Variants in PLCD4 observed in about 807,000 individuals in gnomAD.
The protein encoded by PLCD4 is 1-phosphatidylinositol 4,5-bisphosphate phosphodiesterase delta-4.
PLCD4 carries 63 observed loss-of-function variants against 90.2 expected under a neutral mutation model. That is an observed-to-expected ratio of 0.70 (90% CI 0.57 to 0.86). The LOEUF (loss-of-function observed/expected upper bound fraction) is 0.86, where lower values mean the gene tolerates loss of function less well. Ranked by LOEUF, PLCD4 falls within the 40% of genes least tolerant of loss-of-function variation. The pLI, the probability that PLCD4 is intolerant of heterozygous loss-of-function variation, is 0.00. For synonymous variants in PLCD4, 294 were observed against 356.5 expected (o/e 0.82, Z 1.97); for missense variants, 830 against 956.3 (o/e 0.87, Z 1.74).
intron 6 of PLCD4, among the ~76,000 whole-genome samples, chr2:218,623,740 T>C (rs1186860847): frequency 6.6e-6 from 1 of 152,242 alleles, no homozygotes; most frequent in Non-Finnish European, 1.5e-5. Context: ...TGGAGTGCAA[T>C]GGCACGATCT....
chr2:218,625,388 C>A (rs832799), intron 6 of PLCD4, among the ~76,000 whole-genome samples: 88,153 of 151,870 alleles, frequency 0.58, 25,838 homozygotes, highest in East Asian at 0.78. Context: ...GTTTCGACCC[C>A]GACCCCTCTT....
chr2:218,616,003 A>T lies in PLCD4; in HGVS notation c.122A>T (p.Gln41Leu), dbSNP rs368808205. ...AAGAAGCTAAGATACTTCAGACTTCAGAATGACGGCATGACAGTCTGGCAT... is the reference window on the plus strand; with the variant it reads ...AAGAAGCTAAGATACTTCAGACTTCTGAATGACGGCATGACAGTCTGGCAT... The part of the protein sequence containing the change: ...SWKKLRYFRL[Q>L]NDGMTVWHAR... Residue 41 changes from glutamine to leucine, a missense_variant, in exon 3 of 16, where the codon CAG becomes CTG. Physicochemically the swap from Gln to Leu is moderately radical, Grantham distance 113. Transcript: ENST00000450993. 1 of 1,613,946 alleles carries T rather than the reference A, an allele frequency of 6.2e-7. No homozygotes were observed. Among genetic ancestry groups the T allele is most frequent in the Admixed American group, 1.7e-5 (1 of 60,010 alleles).
At position 218,618,600 on chromosome 2, in the gene PLCD4, C is replaced by A; in HGVS notation, c.203C>A (p.Thr68Lys). 1.9e-6 allele frequency: 3 copies of A among 1,614,050 alleles called. No individual in the cohort carries two copies. Among genetic ancestry groups the A allele is most frequent in the Middle Eastern group, 1.7e-4 (1 of 6,060 alleles). Residue 68 changes from threonine (T) to lysine (K), a missense_variant, in exon 4 of 16, where the codon ACA (threonine) becomes AAA (lysine). By Grantham distance (78) the Thr-to-Lys change is moderately conservative (BLOSUM62 -1). Transcript: ENST00000450993. The part of the protein sequence containing the change: ...KPSFSISDVE[T>K]IRNGHDSELL... ...GCAGTCTCAATCTCTGATGTGGAGACAATACGTAATGGCCATGATTCCGAG... is the reference window on the plus strand; with the variant it reads ...GCAGTCTCAATCTCTGATGTGGAGAAAATACGTAATGGCCATGATTCCGAG...
At position 218,634,627 on chromosome 2, in the gene PLCD4, C is replaced by T; in HGVS notation, c.1893C>T (p.Ile631=). 6.2e-7 allele frequency: 1 copy of T among 1,612,580 alleles called. No individual in the cohort carries two copies. The highest frequency in any genetic ancestry group is 8.5e-7 in the Non-Finnish European group (1 of 1,179,448). The change falls in exon 13 of 16, where the codon ATC becomes ATT. Residue 631 remains isoleucine, a synonymous_variant. Transcript: ENST00000450993. The surrounding 1 kb of genome is among the most constrained non-coding windows in gnomAD (Gnocchi z 4.0). ...CTTTCAAAGCCCAGACTCTCTTAAT[C>T]CAGGTACAGTGGAAATAAACTGTTG... ...ISPFKAQTLL[I]QVISGQQLPK...
intron 1 of PLCD4, among the ~76,000 whole-genome samples, chr2:218,612,316 A>G (rs1422381129): frequency 1.3e-5 from 2 of 152,312 alleles, no homozygotes; most frequent in East Asian, 3.9e-4. Context: ...CTCAGGAAAC[A>G]CTTTGGGTCC....
intron 8 of PLCD4, 142 bp from the exon 9 acceptor site, chr2:218,630,508 C>A: frequency 1.1e-6 from 1 of 933,552 alleles, no homozygotes; most frequent in African/African-American, 1.6e-5. Flanking sequence ...CTCACTGAAT[C>A]CTATAATGGA....
At chr2:218,621,792 T>C (rs1055363456) in intron 5 of PLCD4, among the ~76,000 whole-genome samples, 193 bp downstream of exon 5, 1 of 152,052 alleles carries the variant, frequency 6.6e-6, no homozygotes, top group Non-Finnish European at 1.5e-5. Flanking sequence ...TGAAAAGTCA[T>C]AATTCGGCCG....
Position 218,635,920 on chromosome 2 carries a change from T to A in PLCD4, c.2021T>A (p.Val674Glu). 6.2e-7 allele frequency: 1 copy of A among 1,613,988 alleles called. No individual in the cohort carries two copies. Among genetic ancestry groups the A allele is most frequent in the Non-Finnish European group, 8.5e-7 (1 of 1,179,884 alleles). The change falls in exon 14 of 16, where the codon GTG (valine) becomes GAG (glutamate). Residue 674 changes from valine (V) to glutamate (E), a missense_variant. By Grantham distance (121) the Val-to-Glu change is moderately radical (BLOSUM62 -2). Transcript: ENST00000450993. ...ACAGCACGGCAGGAGACCAACTATG[T>A]GGAGAACAATGGTGAGAAACTGGCA... ...LDTARQETNYVENNGFNPYWG... is the reference protein window; with the variant it reads ...LDTARQETNYEENNGFNPYWG...
intron 1 of PLCD4, among the ~76,000 whole-genome samples, chr2:218,612,904 G>T (rs140173912): frequency 1.2e-3 from 188 of 152,306 alleles, no homozygotes; most frequent in African/African-American, 4.4e-3. Flanking sequence ...CAAAAGAGAC[G>T]TAGGGCACTA....
chr2:218,616,573 T>C (rs1252341607), intron 3 of PLCD4, among the ~76,000 whole-genome samples: 2 of 151,664 alleles, frequency 1.3e-5, no homozygotes, highest in Non-Finnish European at 2.9e-5. Context: ...AAAAATTAGC[T>C]GGGTGTGGTG....
At chr2:218,629,208 C>A (rs754938878) in intron 7 of PLCD4, 8 of 240,318 alleles carry the variant, frequency 3.3e-5, no homozygotes, top group Non-Finnish European at 5.9e-5. Flanking sequence ...AGATTTAGAC[C>A]CTGTCTCAAA....
At chr2:218,630,826 C>T (rs1244453860) in intron 9 of PLCD4, 24 bp downstream of exon 9, 35 of 1,592,514 alleles carry the variant, frequency 2.2e-5, no homozygotes, top group Non-Finnish European at 2.9e-5. Context: ...TCCTCCAGCC[C>T]AGGCTCTGCT....
At chr2:218,632,407 C>G (rs1346865570) in intron 10 of PLCD4, 95 bp downstream of exon 10, 3 of 1,287,862 alleles carry the variant, frequency 2.3e-6, no homozygotes, top group Non-Finnish European at 3.1e-6. Flanking sequence ...AGATGCAGGG[C>G]CAAGGAGCAA....
Position 218,628,237 on chromosome 2 carries a change from T to G in PLCD4, c.974+7T>G, listed in dbSNP as rs776267627. 2.5e-6 allele frequency: 4 copies of G among 1,612,852 alleles called. No individual in the cohort carries two copies. The African/African-American group carries it at 5.3e-5, about 22-fold the overall frequency. ...GCGTCGAGGGATATATACGGTGCAG[T>G]GGTGGTAGAGAAGGGGTCCAACTCA... is the stretch of plus-strand genomic sequence containing the variant. On this transcript the variant is annotated splice_region_variant and intron_variant, in intron 7 of 15. Transcript: ENST00000450993.
chr2:218,633,707 T>G lies in PLCD4; in HGVS notation c.1552T>G (p.Tyr518Asp). 6.2e-7 allele frequency: 1 copy of G among 1,613,978 alleles called. No homozygotes were observed. The highest frequency in any genetic ancestry group is 8.5e-7 in the Non-Finnish European group (1 of 1,179,882). Residue 518 changes from tyrosine to aspartate, a missense_variant, in exon 11 of 16, where the codon TAC becomes GAC. By Grantham distance (160) the Tyr-to-Asp change is radical. Transcript: ENST00000450993. ...ACATTCAAAGGAGCACTACCACTTC[T>G]ACGAGATATCATCTTTCTCTGAAAC... Reference protein sequence around the residue: ...FTHSKEHYHFYEISSFSETKA... With the variant: ...FTHSKEHYHFDEISSFSETKA...
chr2:218,611,671 T>C (rs1474219438), intron 1 of PLCD4, among the ~76,000 whole-genome samples: 1 of 152,226 alleles, frequency 6.6e-6, no homozygotes, highest in Non-Finnish European at 1.5e-5. Flanking sequence ...CAATCTCGGC[T>C]CACTGCAACC....
Position 218,636,500 on chromosome 2 carries a change from G to C in PLCD4, c.2212G>C (p.Asp738His), listed in dbSNP as rs1162656352. ...GYRHIHLLSK[D>H]GISLRPASIF... is the part of the protein sequence containing the mutation. The stretch of plus-strand genomic sequence containing the variant: ...CCGCCACATTCACCTGCTGTCCAAA[G>C]ATGGCATCAGCCTCCGCCCAGCTTC... The change falls in exon 16 of 16, where the codon GAT (aspartate) becomes CAT (histidine). Residue 738 changes from aspartate (D) to histidine (H), a missense_variant. Transcript: ENST00000450993. The C allele has an allele frequency of 2.5e-6, 4 of 1,614,006 alleles. No homozygotes were observed. In the East Asian group the frequency reaches 8.9e-5, roughly 36 times the overall value.
In PLCD4 at chr2:218,632,251, C is replaced by T; in HGVS notation, c.1388C>T (p.Ser463Phe). 6.2e-7 allele frequency: 1 copy of T among 1,611,620 alleles called. No homozygotes were observed. The highest frequency in any genetic ancestry group is 1.3e-5 in the African/African-American group (1 of 74,998). Residue 463 changes from serine to phenylalanine, a missense_variant, in exon 10 of 16, where the codon TCC becomes TTC. Physicochemically the swap from Ser to Phe is radical, Grantham distance 155. Coordinates refer to ENST00000450993, the MANE Select transcript of PLCD4 (RefSeq NM_032726.4). ...ELEESELALESQFETEPEPQE... is the reference protein window; with the variant it reads ...ELEESELALEFQFETEPEPQE... ...GAAGAGTCAGAATTGGCGCTGGAGT[C>T]CCAGTTTGAGACTGAGCCTGAGCCC... is the stretch of plus-strand genomic sequence containing the variant.
chr2:218,623,006 C>G, intron 6 of PLCD4, 128 bp downstream of exon 6: 1 of 775,636 alleles, frequency 1.3e-6, no homozygotes, highest in Non-Finnish European at 2.1e-6. Context: ...GACCCCTGCC[C>G]AATCATCTCA....
Sources: gnomAD v4.1 joint callset for allele counts (sites outside exome capture counted in the v4.1 genomes callset) on GRCh38, gnomAD v4.1.1 for gene constraint, Gnocchi (gnomAD v3.1) non-coding constraint, MANE v1.5 for transcripts, NCBI Gene and HGNC (gene_info 2026-07-23, HGNC 2026-07-21) for gene names.